The following PKHD1 variants were observed in gnomAD, a reference collection of about 807,000 sequenced individuals.
PKHD1 encodes PKHD1 ciliary IPT domain containing fibrocystin/polyductin, also known as fibrocystin.
Under a neutral mutation model 412.0 loss-of-function variants are expected in PKHD1, and 291 were observed. That is an observed-to-expected ratio of 0.71 (90% CI 0.64 to 0.78). The LOEUF (loss-of-function observed/expected upper bound fraction) is 0.78. PKHD1 is among the 30% of genes least tolerant of loss of function. The pLI is 0.00. For synonymous variants in PKHD1, 1,777 were observed against 1,821.5 expected, an observed-to-expected ratio of 0.98 and a Z score of 0.62; for missense variants, 4,825 against 4,950.7, an observed-to-expected ratio of 0.97 and a Z score of 0.76.
At chr6:51,829,237 A>T (rs1767838283) in intron 52 of PKHD1, among the ~76,000 whole-genome samples, 1 of 152,094 alleles carries the variant, frequency 6.6e-6, no homozygotes, top group Admixed American at 6.6e-5. Context: ...CTATGATCTT[A>T]TGAGCTGACC....
At chr6:52,032,947 T>A (rs983525192) in intron 29 of PKHD1, 83 bp downstream of exon 29, 2 of 1,267,188 alleles carry the variant, frequency 1.6e-6, no homozygotes, top group African/African-American at 2.9e-5. Flanking sequence ...CAAAATACAA[T>A]AAATTTCAGA....
chr6:52,029,002 T>G (rs1295784723), intron 29 of PKHD1, among the ~76,000 whole-genome samples: 1 of 152,244 alleles, frequency 6.6e-6, no homozygotes, highest in Non-Finnish European at 1.5e-5. Flanking sequence ...ACTTTTCTAC[T>G]GGTAGAAGTC....
chr6:51,894,558 G>T (rs1397543092), intron 43 of PKHD1, among the ~76,000 whole-genome samples: 1 of 152,252 alleles, frequency 6.6e-6, no homozygotes, highest in Non-Finnish European at 1.5e-5. Flanking sequence ...TGTTGTGGCT[G>T]AGAGTTTGGT....
At chr6:52,003,132 A>G (rs1178778876) in intron 35 of PKHD1, among the ~76,000 whole-genome samples, 1 of 152,212 alleles carries the variant, frequency 6.6e-6, no homozygotes, top group Non-Finnish European at 1.5e-5. Context: ...CAAGAGAAAA[A>G]AAATTCTTCA....
chr6:51,922,396 C>A (rs551724892), intron 37 of PKHD1, among the ~76,000 whole-genome samples: 1 of 152,346 alleles, frequency 6.6e-6, no homozygotes, highest in Non-Finnish European at 1.5e-5. Context: ...TTAGGCTACT[C>A]AGGGTCAGGG....
At chr6:51,734,605 T>G (rs936405807) in intron 60 of PKHD1, among the ~76,000 whole-genome samples, 16 of 151,414 alleles carry the variant, frequency 1.1e-4, no homozygotes, top group Non-Finnish European at 2.9e-5. Flanking sequence ...GAGCAACGGG[T>G]GAAGGAGAGT....
chr6:51,682,374 A>G, intron 60 of PKHD1: 1 of 346,870 alleles, frequency 2.9e-6, no homozygotes, highest in Non-Finnish European at 5.7e-6. Flanking sequence ...TTGTAAAACT[A>G]GTTCTATGAA....
At chr6:51,957,068 C>T (rs917691744) in intron 36 of PKHD1, among the ~76,000 whole-genome samples, 2 of 152,022 alleles carry the variant, frequency 1.3e-5, no homozygotes, top group Non-Finnish European at 2.9e-5. Context: ...CCCATGAAGC[C>T]TTATTTTCCT....
At chr6:52,075,341 C>T (rs1474154974) in intron 6 of PKHD1, among the ~76,000 whole-genome samples, 1 of 152,182 alleles carries the variant, frequency 6.6e-6, no homozygotes, top group Non-Finnish European at 1.5e-5. Flanking sequence ...CCAATCAAAA[C>T]AACAAGATCC....
chr6:51,648,144 G>C (rs754128716), intron 62 of PKHD1, 26 bp from the exon 63 acceptor site: 2 of 1,313,532 alleles, frequency 1.5e-6, no homozygotes, highest in African/African-American at 2.9e-5. Context: ...GGAGGAGGGA[G>C]GAAGAAAAAG....
intron 53 of PKHD1, among the ~76,000 whole-genome samples, chr6:51,777,897 A>C (rs902596677): frequency 1.8e-4 from 27 of 152,114 alleles, no homozygotes; most frequent in African/African-American, 6.5e-4. Flanking sequence ...AAAATTAGTT[A>C]GCCTGCCGTG....
chr6:51,699,023 C>T (rs1779112596), intron 60 of PKHD1, among the ~76,000 whole-genome samples: 1 of 152,190 alleles, frequency 6.6e-6, no homozygotes, highest in African/African-American at 2.4e-5. Flanking sequence ...GAAGATTCCA[C>T]TTGACTCTAA....
At chr6:51,882,320 G>A (rs1283945527) in intron 46 of PKHD1, among the ~76,000 whole-genome samples, 1 of 152,158 alleles carries the variant, frequency 6.6e-6, no homozygotes, top group Non-Finnish European at 1.5e-5. Flanking sequence ...ACTAAGAAAA[G>A]TTGAGAGTTA....
chr6:51,824,553 ATCCTT>A (rs1426968107), intron 52 of PKHD1, among the ~76,000 whole-genome samples: 1 of 152,092 alleles, frequency 6.6e-6, no homozygotes, highest in Non-Finnish European at 1.5e-5. Flanking sequence ...GTTTCCAAAG[ATCCTT>A]TCATCTTTGA....
At chr6:51,957,462 A>G (rs1257690268) in intron 36 of PKHD1, among the ~76,000 whole-genome samples, 2 of 152,140 alleles carry the variant, frequency 1.3e-5, no homozygotes, top group Non-Finnish European at 2.9e-5. Flanking sequence ...GGGTTTTACT[A>G]CTAATGAAAA....
At chr6:51,922,178 C>G (rs1167290546) in intron 37 of PKHD1, among the ~76,000 whole-genome samples, 1 of 152,214 alleles carries the variant, frequency 6.6e-6, no homozygotes, top group Non-Finnish European at 1.5e-5. Flanking sequence ...TTCTATCAGT[C>G]AGGACCCTCA....
At chr6:51,702,042 A>T (rs1422952647) in intron 60 of PKHD1, among the ~76,000 whole-genome samples, 1 of 150,516 alleles carries the variant, frequency 6.6e-6, no homozygotes, top group Non-Finnish European at 1.5e-5. Context: ...GTCATTATAC[A>T]AGAAAACTAC....
intron 60 of PKHD1, among the ~76,000 whole-genome samples, chr6:51,688,817 G>A (rs1777782954): frequency 6.6e-6 from 1 of 152,078 alleles, no homozygotes; most frequent in Admixed American, 6.6e-5. Context: ...TTGAATCCCT[G>A]AGCAGACCAA....
chr6:51,841,736 C>T (rs910620306), intron 50 of PKHD1, among the ~76,000 whole-genome samples: 1 of 152,182 alleles, frequency 6.6e-6, no homozygotes, highest in Middle Eastern at 3.2e-3. Flanking sequence ...CCCAAGAGGT[C>T]ACAGGAGCCA....
Sources: allele counts gnomAD v4.1 joint callset (sites outside exome capture counted in the v4.1 genomes callset), GRCh38; gene constraint gnomAD v4.1.1; transcripts MANE v1.5; gene names NCBI Gene and HGNC (gene_info 2026-07-23, HGNC 2026-07-21).